VPS13D: variants seen among roughly 807,000 people sequenced by gnomAD.
The protein encoded by VPS13D is vacuolar protein sorting 13 homolog D, also known as intermembrane lipid transfer protein VPS13D.
A neutral mutation model predicts 461.9 loss-of-function variants in VPS13D; 187 were observed. That is an observed-to-expected ratio of 0.40 (90% CI 0.36 to 0.46). VPS13D has a LOEUF of 0.46. Ranked by LOEUF, VPS13D falls within the 20% of genes least tolerant of loss-of-function variation. VPS13D has a pLI of 0.60. For synonymous variants in VPS13D, 1,951 were observed against 1,986.3 expected (o/e 0.98, Z 0.47); for missense variants, 4,711 against 5,364.9 (o/e 0.88, Z 3.81).
chr1:12,243,643 C>T (rs1276242670), intron 3 of VPS13D, among the ~76,000 whole-genome samples: 3 of 152,070 alleles, frequency 2.0e-5, no homozygotes, highest in Admixed American at 6.6e-5. Flanking sequence ...ATAAAGAAAG[C>T]TTGTATTCTA....
chr1:12,435,397 G>T (rs1645046874), intron 65 of VPS13D, among the ~76,000 whole-genome samples: 1 of 152,102 alleles, frequency 6.6e-6, no homozygotes, highest in Non-Finnish European at 1.5e-5. Context: ...GGAAGTTGAG[G>T]CTGCAGTGAG....
In VPS13D at chr1:12,277,332, C is replaced by T; in HGVS notation, c.3744C>T (p.Ile1248=). 6.2e-7 allele frequency: 1 copy of T among 1,614,126 alleles called. No homozygotes were observed. Among genetic ancestry groups the T allele is most frequent in the Non-Finnish European group, 8.5e-7 (1 of 1,179,972 alleles). Residue 1248 remains isoleucine (I), a synonymous_variant, in exon 19 of 70, where the codon ATC becomes ATT. Coordinates refer to ENST00000620676, the MANE Select transcript of VPS13D (RefSeq NM_015378.4). ...ATTCTGTAGGCTATGAAAATATCATCAGTGATATTGGCTACTTTGAATCTG... is the reference window on the plus strand; with the variant it reads ...ATTCTGTAGGCTATGAAAATATCATTAGTGATATTGGCTACTTTGAATCTG... ...IGNSVGYENI[I]SDIGYFESVF...
At chr1:12,386,947 C>G (rs909512806) in intron 60 of VPS13D, among the ~76,000 whole-genome samples, 1 of 152,100 alleles carries the variant, frequency 6.6e-6, no homozygotes, top group Non-Finnish European at 1.5e-5. Flanking sequence ...TCTAGAGAGA[C>G]CAAGGTATCT....
At chr1:12,381,600 C>T (rs1348268272) in intron 57 of VPS13D, among the ~76,000 whole-genome samples, 1 of 152,212 alleles carries the variant, frequency 6.6e-6, no homozygotes, top group Non-Finnish European at 1.5e-5. Flanking sequence ...GAGTATGTGC[C>T]TGTAACAATA....
chr1:12,260,071 G>C (rs1380604800), intron 10 of VPS13D, among the ~76,000 whole-genome samples: 2 of 135,598 alleles, frequency 1.5e-5, no homozygotes, highest in Non-Finnish European at 1.5e-5. Context: ...TGTTGCCCAG[G>C]CTGGAGTGCA....
chr1:12,361,403 A>ATTTTTTTT (rs1297978975), intron 50 of VPS13D, among the ~76,000 whole-genome samples: 14 of 133,874 alleles, frequency 1.0e-4, no homozygotes, highest in African/African-American at 3.4e-4. Flanking sequence ...TTATTTATTT[A>ATTTTTTTT]TTTTTTTTTT....
Position 12,510,227 on chromosome 1 carries a change from G to T in VPS13D, c.*1203G>T, listed in dbSNP as rs989954621. On this transcript the variant is annotated 3_prime_UTR_variant, in exon 70 of 70. Transcript: ENST00000620676. ...GAGCAAGGCCTGGTATGAGCGCCCT[G>T]GGTCTTGTTTTTGGTGTTTCGCTTT... 3.9e-5 allele frequency: 6 copies of T among 152,230 alleles called. No homozygotes were observed. Among genetic ancestry groups the T allele is most frequent in the African/African-American group, 1.4e-4 (6 of 41,456 alleles). The allele number at this position is 152,230 out of a possible 1,614,324, so 9.4% of individuals were successfully genotyped here. A position where few individuals can be genotyped will look rare whatever the true frequency, so the allele number is the denominator to read the frequency against.
At position 12,277,113 on chromosome 1, in the gene VPS13D, A is replaced by G. The variant is rs1641637465; in HGVS notation, c.3525A>G (p.Leu1175=). The part of the protein sequence containing the change: ...EVAVEIHRLN[L]LLLRTVGMAN... ...CAGTGGAAATCCATAGGCTGAACTT[A>G]CTGCTTCTTCGGACAGTGGGCATGG... Residue 1175 remains leucine (L), a synonymous_variant, in exon 19 of 70, where the codon TTA becomes TTG. Transcript: ENST00000620676. 1 of 1,614,222 alleles carries G rather than the reference A, an allele frequency of 6.2e-7. No homozygotes were observed.
intron 50 of VPS13D, among the ~76,000 whole-genome samples, chr1:12,360,582 T>C (rs1255726383): frequency 6.6e-6 from 1 of 152,224 alleles, no homozygotes; most frequent in Non-Finnish European, 1.5e-5. Flanking sequence ...CTTTTGTAGT[T>C]AGACTTTTTA....
At chr1:12,319,093 G>T (rs1642963606) in intron 31 of VPS13D, among the ~76,000 whole-genome samples, 1 of 152,218 alleles carries the variant, frequency 6.6e-6, no homozygotes, top group Admixed American at 6.5e-5. Flanking sequence ...CTACTTAGAT[G>T]CATAGTGCCT....
At chr1:12,384,279 G>C (rs1313869719) in intron 58 of VPS13D, among the ~76,000 whole-genome samples, 5 of 152,190 alleles carry the variant, frequency 3.3e-5, no homozygotes, top group Non-Finnish European at 7.3e-5. Context: ...CTGAATGTGG[G>C]AATGAGGGAG....
chr1:12,417,871 T>C (rs1293754711), intron 65 of VPS13D, among the ~76,000 whole-genome samples: 1 of 152,204 alleles, frequency 6.6e-6, no homozygotes, highest in Non-Finnish European at 1.5e-5. Context: ...ACTGTTTGGC[T>C]TGTGGTTCAA....
intron 25 of VPS13D, among the ~76,000 whole-genome samples, chr1:12,302,874 G>A (rs1642464295): frequency 7.2e-6 from 1 of 139,560 alleles, no homozygotes; most frequent in Non-Finnish European, 1.5e-5. Flanking sequence ...TACGTTCTTG[G>A]TGATCTTATT....
chr1:12,290,034 T>A lies in VPS13D; in HGVS notation c.5726-964T>A, dbSNP rs1032007906. ...TGTTTTATCACGATAATTATGATAA[T>A]AAATTTTGTTTTACAGAGGCAACGG... On this transcript the variant is annotated intron_variant, in intron 22 of 69. Coordinates refer to ENST00000620676, the MANE Select transcript of VPS13D (RefSeq NM_015378.4). Among the ~76,000 whole-genome samples the A allele has an allele frequency of 4.6e-5, 7 of 152,188 alleles. 1 individual carries two copies. Among genetic ancestry groups the A allele is most frequent in the Non-Finnish European group, 1.0e-4 (7 of 68,038 alleles).
intron 50 of VPS13D, 60 bp from the exon 51 acceptor site, chr1:12,362,660 C>T: frequency 6.5e-7 from 1 of 1,531,248 alleles, no homozygotes; most frequent in Non-Finnish European, 8.9e-7. Context: ...TTATTTTTGT[C>T]AGACCAAGAG....
At chr1:12,238,589 G>A (rs982807787) in intron 2 of VPS13D, among the ~76,000 whole-genome samples, 2 of 150,660 alleles carry the variant, frequency 1.3e-5, no homozygotes, top group Non-Finnish European at 1.5e-5. Context: ...TGTGTATGAA[G>A]TGCTTGGACA....
intron 52 of VPS13D, 22 bp from the exon 53 acceptor site, chr1:12,368,446 C>T (rs756459853): frequency 1.4e-5 from 22 of 1,587,276 alleles, no homozygotes; most frequent in Non-Finnish European, 1.9e-5. Flanking sequence ...TATGTAGCCT[C>T]TTTTGTTTCC....
At chr1:12,260,548 A>T in intron 10 of VPS13D, 145 bp from the exon 11 acceptor site, 1 of 650,124 alleles carries the variant, frequency 1.5e-6, no homozygotes, top group Non-Finnish European at 2.7e-6. Flanking sequence ...GGAACTATTT[A>T]TCTTGTTTCT....
At chr1:12,246,387 T>C (rs2101218106) in intron 5 of VPS13D, among the ~76,000 whole-genome samples, 1 of 152,312 alleles carries the variant, frequency 6.6e-6, no homozygotes, top group Non-Finnish European at 1.5e-5. Flanking sequence ...TTGAAACTTT[T>C]TGAGTGCCCA....
Sources: gnomAD v4.1 joint callset for allele counts (sites outside exome capture counted in the v4.1 genomes callset) on GRCh38, gnomAD v4.1.1 for gene constraint, MANE v1.5 for transcripts, NCBI Gene and HGNC (gene_info 2026-07-23, HGNC 2026-07-21) for gene names.